The following ITGB6 variants were observed in gnomAD, a reference collection of about 807,000 sequenced individuals.
ITGB6 encodes integrin subunit beta 6.
Under a neutral mutation model 84.5 loss-of-function variants are expected in ITGB6, and 80 were observed. The ratio of observed to expected loss-of-function variants is 0.95; its 90% CI spans 0.79 to 1.14. The LOEUF is 1.14. Ranked by LOEUF, ITGB6 falls within the 50% of genes most tolerant of loss-of-function variation. ITGB6 has a pLI of 0.00. For synonymous variants in ITGB6, 383 were observed against 354.9 expected (o/e 1.08, Z -0.89); for missense variants, 1,006 against 968.0 (o/e 1.04, Z -0.52).
At chr2:160,182,062 C>T (rs1431851875) in intron 4 of ITGB6, among the ~76,000 whole-genome samples, 1 of 152,160 alleles carries the variant, frequency 6.6e-6, no homozygotes, top group East Asian at 1.9e-4. Context: ...ACTGAAAATT[C>T]CAAAACCCAG....
intron 10 of ITGB6, among the ~76,000 whole-genome samples, chr2:160,129,471 C>A (rs1683373493): frequency 6.6e-6 from 1 of 151,108 alleles, no homozygotes; most frequent in Non-Finnish European, 1.5e-5. Context: ...TTTAGGATTA[C>A]CTAAGACAGT....
intron 10 of ITGB6, among the ~76,000 whole-genome samples, chr2:160,129,969 T>C (rs2105806401): frequency 6.6e-6 from 1 of 152,306 alleles, no homozygotes; most frequent in East Asian, 1.9e-4. Context: ...CACACAGTCA[T>C]GTGTCTTTTA....
intron 5 of ITGB6, 67 bp downstream of exon 5, chr2:160,173,907 A>T: frequency 7.5e-7 from 1 of 1,338,752 alleles, no homozygotes; most frequent in East Asian, 2.5e-5. Context: ...AATCTTTTTG[A>T]AGTAGAATTA....
At position 160,137,743 on chromosome 2, in the gene ITGB6, C is replaced by T; in HGVS notation, c.1351G>A (p.Glu451Lys). The change falls in exon 10 of 15, where the codon GAA becomes AAA. Residue 451 changes from glutamate (E) to lysine (K), a missense_variant. Coordinates refer to ENST00000283249, the MANE Select transcript of ITGB6 (RefSeq NM_000888.5). ...GDALELLVSP[E>K]CNCDCQKEVE... Reference sequence around the variant, plus strand: ...TCTTTCTGACAGTCGCAGTTGCATTCTGGGCTGACAAGTAATTCCAGGGCA... The same window carrying T: ...TCTTTCTGACAGTCGCAGTTGCATTTTGGGCTGACAAGTAATTCCAGGGCA... The T allele has an allele frequency of 6.2e-7, 1 of 1,614,216 alleles. No individual in the cohort carries two copies. Among genetic ancestry groups the T allele is most frequent in the Non-Finnish European group, 8.5e-7 (1 of 1,180,024 alleles).
rs925175573 is a variant in ITGB6, at chr2:160,196,484, T to C, written c.142-64A>G. ...AACAAATCTGAATTTCTTTATAAGA[T>C]ACCAGCAATTGAAAGTTTTTCTGCA... On this transcript the variant is annotated intron_variant, in intron 2 of 14. Coordinates refer to ENST00000283249, the MANE Select transcript of ITGB6 (RefSeq NM_000888.5). The C allele has an allele frequency of 2.3e-5, 32 of 1,385,790 alleles. No homozygotes were observed. The African/African-American group carries it at 3.5e-4, about 15-fold the overall frequency. 85.8% of individuals were successfully genotyped at this position (1,385,790 alleles called of 1,614,324 possible).
intron 7 of ITGB6, among the ~76,000 whole-genome samples, chr2:160,150,662 C>T (rs746179577): frequency 6.6e-6 from 1 of 152,028 alleles, no homozygotes; most frequent in Non-Finnish European, 1.5e-5. Flanking sequence ...CACAGACTGG[C>T]AAATTGGATA....
rs150326031 is a variant in ITGB6 at position 160,129,756 on chromosome 2, A to G, written c.1661-3155T>C. The stretch of plus-strand genomic sequence containing the variant: ...TAAACTTTGGTCTAGTAAGTGGCTT[A>G]CTTTTCTATCTTGATGACTGGGCTC... On this transcript the variant is annotated intron_variant, in intron 10 of 14. Transcript: ENST00000283249. Among the ~76,000 whole-genome samples the G allele has an allele frequency of 1.6e-3, 246 of 152,280 alleles. 1 individual carries two copies. The highest frequency in any genetic ancestry group is 2.1e-3 in the Non-Finnish European group (145 of 68,012).
chr2:160,130,000 G>C (rs1454425236), intron 10 of ITGB6, among the ~76,000 whole-genome samples: 1 of 152,028 alleles, frequency 6.6e-6, no homozygotes, highest in East Asian at 1.9e-4. Context: ...TATGTACCAA[G>C]AAATGCATCA....
Position 160,174,154 on chromosome 2 carries a change from T to C in ITGB6, c.594-15A>G. 1.3e-6 allele frequency: 2 copies of C among 1,576,506 alleles called. No homozygotes were observed. The highest frequency in any genetic ancestry group is 1.7e-6 in the Non-Finnish European group (2 of 1,159,074). ...ATGGAATACTACTGCAAAAGTAAGATGCAAAAATACTGTTGATGAAATATG... is the reference window on the plus strand; with the variant it reads ...ATGGAATACTACTGCAAAAGTAAGACGCAAAAATACTGTTGATGAAATATG... On this transcript the variant is annotated splice_polypyrimidine_tract_variant and intron_variant, in intron 4 of 14. Transcript: ENST00000283249.
chr2:160,158,896 C>T (rs947486301), intron 7 of ITGB6, among the ~76,000 whole-genome samples: 3 of 152,002 alleles, frequency 2.0e-5, no homozygotes, highest in Non-Finnish European at 2.9e-5. Context: ...GTCAGGAGAT[C>T]GAGGCCATCC....
intron 10 of ITGB6, among the ~76,000 whole-genome samples, chr2:160,132,786 T>A (rs1683526173): frequency 6.6e-6 from 1 of 152,168 alleles, no homozygotes; most frequent in African/African-American, 2.4e-5. Flanking sequence ...CGTTAAACTA[T>A]AGCGATTTTA....
chr2:160,160,444 C>A (rs1266993568), intron 7 of ITGB6, among the ~76,000 whole-genome samples: 3 of 152,082 alleles, frequency 2.0e-5, no homozygotes, highest in Non-Finnish European at 4.4e-5. Context: ...TAAATAATTA[C>A]CTCAACTGTT....
Position 160,172,719 on chromosome 2 carries a change from G to A in ITGB6, c.771C>T (p.Gly257=), listed in dbSNP as rs1403869230. ...GGAGGTGGAGGGAGTCATTCCGCCAGCCAATTTTTTCCTACAGTGAGAAAG... is the reference window on the plus strand; with the variant it reads ...GGAGGTGGAGGGAGTCATTCCGCCAACCAATTTTTTCCTACAGTGAGAAAG... The part of the protein sequence containing the change: ...MQAAVCKEKI[G]WRNDSLHLLV... The change falls in exon 6 of 15, where the codon GGC becomes GGT. Residue 257 remains glycine, a synonymous_variant. Coordinates refer to ENST00000283249, the MANE Select transcript of ITGB6 (RefSeq NM_000888.5). 1.3e-6 allele frequency: 2 copies of A among 1,594,140 alleles called. No homozygotes were observed. The highest frequency in any genetic ancestry group is 1.7e-6 in the Non-Finnish European group (2 of 1,163,286).
Position 160,191,159 on chromosome 2 carries a change from C to G in ITGB6, c.593+4210G>C, listed in dbSNP as rs181262133. Among the ~76,000 whole-genome samples, 62 of 152,292 alleles carry G rather than the reference C, an allele frequency of 4.1e-4. 1 individual carries two copies. The Middle Eastern group carries it at 0.014, about 33-fold the overall frequency. On this transcript the variant is annotated intron_variant, in intron 4 of 14. Transcript: ENST00000283249. ...AGCTTATTTCCCTTCACAAGTGAAT[C>G]AAGCAATTAATAACAATAATCATAC...
chr2:160,112,814 C>G (rs1314003661), intron 12 of ITGB6, among the ~76,000 whole-genome samples: 2 of 150,656 alleles, frequency 1.3e-5, no homozygotes, highest in Non-Finnish European at 3.0e-5. Flanking sequence ...AAAAAAAATC[C>G]AGTTTACCTT....
At chr2:160,113,879 G>A (rs75865323) in intron 12 of ITGB6, among the ~76,000 whole-genome samples, 4,080 of 152,180 alleles carry the variant, frequency 0.027, 73 homozygotes, top group South Asian at 0.077. Flanking sequence ...CAATTAGCTA[G>A]GGTTCATGAA....
intron 11 of ITGB6, among the ~76,000 whole-genome samples, chr2:160,124,925 T>C (rs569103622): frequency 6.6e-6 from 1 of 152,314 alleles, no homozygotes; most frequent in Non-Finnish European, 1.5e-5. Flanking sequence ...TTTTTCTAGA[T>C]TGTATATTTA....
rs76541263 is a variant in ITGB6 at position 160,158,683 on chromosome 2, G to A, written c.1017+10529C>T. ...GAAGGATGACTAGTAGGAAGAAAAT[G>A]AAGGGGACGAGAAAATAGCAAGTAG... is the stretch of plus-strand genomic sequence containing the variant. On this transcript the variant is annotated intron_variant, in intron 7 of 14. Transcript: ENST00000283249. Among the ~76,000 whole-genome samples the A allele has an allele frequency of 1.1e-4, 16 of 152,334 alleles. No individual in the cohort carries two copies. The East Asian group carries it at 2.5e-3, about 24-fold the overall frequency.
At chr2:160,139,576 A>T (rs1559141131) in intron 8 of ITGB6, among the ~76,000 whole-genome samples, 3 of 152,226 alleles carry the variant, frequency 2.0e-5, no homozygotes, top group Non-Finnish European at 2.9e-5. Context: ...TGTGACAGCA[A>T]TTATGAGGAC....
Sources: allele counts gnomAD v4.1 joint callset (sites outside exome capture counted in the v4.1 genomes callset), GRCh38; gene constraint gnomAD v4.1.1; transcripts MANE v1.5; gene names NCBI Gene and HGNC (gene_info 2026-07-23, HGNC 2026-07-21).